Variants in CTNNA3 observed in about 807,000 individuals in gnomAD.
CTNNA3 encodes catenin alpha 3, also known as catenin alpha-3.
Under a neutral mutation model 95.7 loss-of-function variants are expected in CTNNA3, and 76 were observed. The observed-to-expected ratio is 0.79, with a 90% CI of 0.66 to 0.96. CTNNA3 has a LOEUF of 0.96. Among genes scored for constraint, CTNNA3 ranks in the 40% least tolerant of loss-of-function variants. The pLI is 0.00. For synonymous variants in CTNNA3, 431 were observed against 374.4 expected, an observed-to-expected ratio of 1.15 and a Z score of -1.74; for missense variants, 1,191 against 1,089.8, an observed-to-expected ratio of 1.09 and a Z score of -1.31.
chr10:66,126,734 G>A (rs573203443), intron 13 of CTNNA3, among the ~76,000 whole-genome samples: 1 of 152,206 alleles, frequency 6.6e-6, no homozygotes, highest in South Asian at 2.1e-4. Flanking sequence ...AATAAACAAA[G>A]CAATATGGAA....
At chr10:66,015,811 C>G (rs924512935) in intron 15 of CTNNA3, among the ~76,000 whole-genome samples, 1 of 152,126 alleles carries the variant, frequency 6.6e-6, no homozygotes, top group Non-Finnish European at 1.5e-5. Flanking sequence ...ATATAACACA[C>G]ATTGCTAATT....
At chr10:66,892,044 C>T (rs147093656) in intron 7 of CTNNA3, among the ~76,000 whole-genome samples, 114 of 151,982 alleles carry the variant, frequency 7.5e-4, no homozygotes, top group African/African-American at 2.6e-3. Flanking sequence ...ATAATAATCA[C>T]TAAATAAAAA....
intron 3 of CTNNA3, among the ~76,000 whole-genome samples, chr10:67,562,894 T>G (rs1314779379): frequency 1.3e-5 from 2 of 152,056 alleles, no homozygotes; most frequent in Non-Finnish European, 2.9e-5. Context: ...TCACAACTGC[T>G]TCAAAGAGAA....
chr10:66,443,123 T>C (rs1469780243), intron 11 of CTNNA3, among the ~76,000 whole-genome samples: 7 of 152,238 alleles, frequency 4.6e-5, no homozygotes, highest in Admixed American at 3.9e-4. Context: ...GCGCCTGTCA[T>C]TGCCCAGGCT....
intron 6 of CTNNA3, among the ~76,000 whole-genome samples, chr10:67,182,374 A>C (rs1024110596): frequency 2.0e-5 from 3 of 152,210 alleles, no homozygotes; most frequent in Non-Finnish European, 4.4e-5. Flanking sequence ...CAGAGGCCTC[A>C]GAAATAAAGC....
At chr10:66,407,896 A>T (rs1424385903) in intron 11 of CTNNA3, among the ~76,000 whole-genome samples, 1 of 152,142 alleles carries the variant, frequency 6.6e-6, no homozygotes, top group African/African-American at 2.4e-5. Context: ...ACATATTTTT[A>T]AATGTTTTCA....
intron 10 of CTNNA3, among the ~76,000 whole-genome samples, chr10:66,583,903 T>A (rs1442182253): frequency 2.0e-5 from 3 of 151,948 alleles, no homozygotes; most frequent in African/African-American, 4.8e-5. Context: ...ATTTCAAAAA[T>A]TTTTTAAATT....
chr10:66,575,680 C>A (rs978444864), intron 10 of CTNNA3, among the ~76,000 whole-genome samples: 1 of 152,132 alleles, frequency 6.6e-6, no homozygotes, highest in Non-Finnish European at 1.5e-5. Context: ...GTGCTCTTCC[C>A]ATTTATTCCA....
chr10:66,697,790 G>A (rs550041341), intron 9 of CTNNA3, among the ~76,000 whole-genome samples: 10 of 152,130 alleles, frequency 6.6e-5, no homozygotes, highest in Non-Finnish European at 1.3e-4. Flanking sequence ...AATGAGTATC[G>A]TGAGCAATAA....
intron 5 of CTNNA3, among the ~76,000 whole-genome samples, chr10:67,335,345 G>A (rs775606965): frequency 1.7e-4 from 26 of 152,140 alleles, no homozygotes; most frequent in South Asian, 6.2e-4. Flanking sequence ...ACAGGAATAA[G>A]CAGGTTGGAA....
At chr10:67,573,278 A>C (rs1429574303) in intron 3 of CTNNA3, among the ~76,000 whole-genome samples, 1 of 152,118 alleles carries the variant, frequency 6.6e-6, no homozygotes, top group African/African-American at 2.4e-5. Context: ...CCCCAAAAAA[A>C]ATTTCCTCAA....
chr10:67,511,746 A>G (rs970895675), intron 5 of CTNNA3, among the ~76,000 whole-genome samples: 1 of 152,078 alleles, frequency 6.6e-6, no homozygotes, highest in Non-Finnish European at 1.5e-5. Flanking sequence ...TTTACTATTG[A>G]TTGGAATAGT....
At chr10:66,644,356 T>A in intron 9 of CTNNA3, among the ~76,000 whole-genome samples, 1 of 148,018 alleles carries the variant, frequency 6.8e-6, no homozygotes, top group Admixed American at 6.8e-5. Context: ...ATATATATTT[T>A]ACATATAGTA....
intron 5 of CTNNA3, among the ~76,000 whole-genome samples, chr10:67,281,702 T>G (rs1276539487): frequency 7.2e-5 from 11 of 152,150 alleles, no homozygotes; most frequent in Non-Finnish European, 2.9e-5. Flanking sequence ...CATGAAAAAA[T>G]GTCTAATGGG....
intron 10 of CTNNA3, among the ~76,000 whole-genome samples, chr10:66,550,075 T>G (rs957126832): frequency 2.0e-5 from 3 of 152,164 alleles, no homozygotes; most frequent in African/African-American, 7.2e-5. Flanking sequence ...ATTGTCTATC[T>G]CTTAAATTCT....
Position 67,180,500 on chromosome 10 carries a change from T to G in CTNNA3, c.864A>C (p.Pro288=), listed in dbSNP as rs765196113. 4 of 1,613,308 alleles carry G rather than the reference T, an allele frequency of 2.5e-6. No individual in the cohort carries two copies. The highest frequency in any genetic ancestry group is 3.4e-6 in the Non-Finnish European group (4 of 1,179,506). ...DELENLIVLN[P]LTVTEEEIRP... ...GTATTTCCTCCTCAGTTACTGTGAG[T>G]GGATTCAGGACAATTAAATTCTAAG... Residue 288 remains proline, a synonymous_variant, in exon 7 of 18, where the codon CCA becomes CCC. Transcript: ENST00000433211.
At chr10:67,703,426 C>G (rs1264218965) in intron 1 of CTNNA3, among the ~76,000 whole-genome samples, 1 of 152,028 alleles carries the variant, frequency 6.6e-6, no homozygotes, top group Non-Finnish European at 1.5e-5. Flanking sequence ...GCTTATCCAC[C>G]ATGATCAAGT....
intron 7 of CTNNA3, among the ~76,000 whole-genome samples, chr10:67,144,522 C>T (rs991997269): frequency 6.6e-6 from 1 of 152,194 alleles, no homozygotes; most frequent in Non-Finnish European, 1.5e-5. Flanking sequence ...ATCTTATCTA[C>T]ATCTTCTAAA....
intron 13 of CTNNA3, among the ~76,000 whole-genome samples, chr10:66,167,534 T>TA: frequency 6.6e-6 from 1 of 152,322 alleles, no homozygotes; most frequent in Non-Finnish European, 1.5e-5. Flanking sequence ...ATAATTGTGT[T>TA]AAATCAAAAT....
Sources: gnomAD v4.1 joint callset for allele counts (sites outside exome capture counted in the v4.1 genomes callset) on GRCh38, gnomAD v4.1.1 for gene constraint, MANE v1.5 for transcripts, NCBI Gene and HGNC (gene_info 2026-07-23, HGNC 2026-07-21) for gene names.